The following SNX16 variants were observed in gnomAD, a reference collection of about 807,000 sequenced individuals.
The protein encoded by SNX16 is sorting nexin-16.
SNX16 carries 35 observed loss-of-function variants against 36.7 expected under a neutral mutation model. The observed-to-expected ratio is 0.95, with a 90% CI of 0.73 to 1.27. The LOEUF (loss-of-function observed/expected upper bound fraction) is 1.27. Ranked by LOEUF, SNX16 falls within the 50% of genes most tolerant of loss-of-function variation. The pLI is 0.00. For synonymous variants in SNX16, 134 were observed against 132.0 expected (o/e 1.02, Z -0.10); for missense variants, 367 against 393.6 (o/e 0.93, Z 0.57).
At chr8:81,813,643 A>G (rs1052484469) in intron 5 of SNX16, among the ~76,000 whole-genome samples, 3 of 151,964 alleles carry the variant, frequency 2.0e-5, no homozygotes, top group Admixed American at 2.0e-4. Context: ...GGATGAAAAG[A>G]CACCTACAGA....
chr8:81,838,891 C>G (rs1282841593), intron 2 of SNX16, among the ~76,000 whole-genome samples: 2 of 151,756 alleles, frequency 1.3e-5, no homozygotes, highest in Non-Finnish European at 2.9e-5. Context: ...CCAAAGTGCA[C>G]AGAAAACTAC....
chr8:81,820,225 G>A (rs1810671938), intron 4 of SNX16, among the ~76,000 whole-genome samples: 1 of 118,766 alleles, frequency 8.4e-6, no homozygotes. Context: ...TTCTCCCTTA[G>A]GAGGGATTTC....
Position 81,803,215 on chromosome 8 carries a change from G to C in SNX16, c.695C>G (p.Thr232Ser). ...SLEESRAFCE[T>S]LEETNYRLQK... is the part of the protein sequence containing the mutation. ...TAAGCGGTAGTTTGTCTCTTCTAAA[G>C]TTTCACAGAATGCCTTAAAAAAAAC... Residue 232 changes from threonine (T) to serine (S), a missense_variant, in exon 6 of 8, where the codon ACT becomes AGT. Thr to Ser is a moderately conservative substitution (Grantham distance 58). Coordinates refer to ENST00000345957, the MANE Select transcript of SNX16 (RefSeq NM_152836.3). 6.3e-7 allele frequency: 1 copy of C among 1,599,282 alleles called. No homozygotes were observed. The highest frequency in any genetic ancestry group is 1.1e-5 in the South Asian group (1 of 87,948).
intron 5 of SNX16, chr8:81,808,674 C>A: frequency 1.0e-6 from 1 of 997,040 alleles, no homozygotes; most frequent in East Asian, 2.4e-5. Context: ...ACCACGAAAC[C>A]AAGGTGGCTA....
At chr8:81,831,944 G>A (rs56845285) in intron 2 of SNX16, among the ~76,000 whole-genome samples, 37,754 of 152,050 alleles carry the variant, frequency 0.25, 5,236 homozygotes, top group East Asian at 0.37. Context: ...AGAAAAGAGA[G>A]CACTTATATA....
chr8:81,812,636 C>G (rs554928995), intron 5 of SNX16, among the ~76,000 whole-genome samples: 1 of 152,102 alleles, frequency 6.6e-6, no homozygotes, highest in East Asian at 1.9e-4. Flanking sequence ...ACAAGAAAAA[C>G]TAAACGAAGA....
chr8:81,834,370 C>T lies in SNX16; in HGVS notation c.376-4854G>A, dbSNP rs184056605. On this transcript the variant is annotated intron_variant, in intron 2 of 7. Transcript: ENST00000345957. ...GGGACACATTCAAACCATATCATTC[C>T]ACCCCTGGCCCCTCCCAAATCTCAT... Among the ~76,000 whole-genome samples, 502 of 152,214 alleles carry T rather than the reference C, an allele frequency of 3.3e-3. 2 individuals are homozygous for T. The highest frequency in any genetic ancestry group is 5.1e-3 in the Non-Finnish European group (349 of 68,008).
intron 1 of SNX16, chr8:81,840,538 C>T (rs1244211224): frequency 6.6e-6 from 1 of 152,524 alleles, no homozygotes; most frequent in Non-Finnish European, 1.5e-5. Context: ...ATTCACATTA[C>T]CTTTCAATTT....
At chr8:81,823,446 G>A (rs143666369) in intron 4 of SNX16, among the ~76,000 whole-genome samples, 1 of 151,840 alleles carries the variant, frequency 6.6e-6, no homozygotes, top group Non-Finnish European at 1.5e-5. Flanking sequence ...CAATTACATA[G>A]TATCATATTA....
chr8:81,800,826 C>G lies in SNX16; in HGVS notation c.*671G>C, dbSNP rs751962006. Reference sequence around the variant, plus strand: ...AAATGTAACATATTAATAACTGTGACACTTATTAAAGTATTTTGATATTAA... The same window carrying G: ...AAATGTAACATATTAATAACTGTGAGACTTATTAAAGTATTTTGATATTAA... On this transcript the variant is annotated 3_prime_UTR_variant, in exon 8 of 8. Transcript: ENST00000345957. 2.6e-5 allele frequency: 4 copies of G among 152,158 alleles called. No homozygotes were observed. The highest frequency in any genetic ancestry group is 6.6e-5 in the Admixed American group (1 of 15,234). The allele number at this position is 152,158 out of a possible 1,614,324, so 9.4% of individuals were successfully genotyped here.
In SNX16 at chr8:81,829,491, G is replaced by C; in HGVS notation, c.401C>G (p.Thr134Ser). The C allele has an allele frequency of 7.0e-7, 1 of 1,422,188 alleles. No individual in the cohort carries two copies. The highest frequency in any genetic ancestry group is 9.2e-7 in the Non-Finnish European group (1 of 1,083,244). 88.1% of individuals were successfully genotyped at this position (1,422,188 alleles called of 1,614,324 possible). Residue 134 changes from threonine to serine, a missense_variant, in exon 3 of 8, where the codon ACC becomes AGC. By Grantham distance (58) the Thr-to-Ser change is moderately conservative. Transcript: ENST00000345957. Reference protein sequence around the residue: ...FTVYKILVKKTPEESWVVFRR... With the variant: ...FTVYKILVKKSPEESWVVFRR... Reference sequence around the variant, plus strand: ...GAAAACTACCCAGCTTTCTTCTGGGGTTTTCTTTACTAGTATTTTATATAC... The same window carrying C: ...GAAAACTACCCAGCTTTCTTCTGGGCTTTTCTTTACTAGTATTTTATATAC...
Position 81,809,628 on chromosome 8 carries a change from G to A in SNX16, c.681+5697C>T, listed in dbSNP as rs1277325785. On this transcript the variant is annotated intron_variant, in intron 5 of 7. Coordinates refer to ENST00000345957, the MANE Select transcript of SNX16 (RefSeq NM_152836.3). ...TCAAGAAAATTAGGCTAAAATAACA[G>A]TAAGATATTATTTTATACCCATCAG... is the stretch of plus-strand genomic sequence containing the variant. Among the ~76,000 whole-genome samples, 3 of 152,120 alleles carry A rather than the reference G, an allele frequency of 2.0e-5. No individual in the cohort carries two copies. The East Asian group carries it at 5.8e-4, about 29-fold the overall frequency.
chr8:81,808,461 A>G, intron 5 of SNX16: 1 of 1,041,988 alleles, frequency 9.6e-7, no homozygotes, highest in Non-Finnish European at 1.5e-6. Flanking sequence ...CTTTGCTGAC[A>G]GCTGTGGTGG....
At chr8:81,831,553 C>G (rs972786730) in intron 2 of SNX16, among the ~76,000 whole-genome samples, 14 of 151,716 alleles carry the variant, frequency 9.2e-5, no homozygotes, top group African/African-American at 3.4e-4. Flanking sequence ...CAAAAATTAG[C>G]CAGATGTGGT....
intron 2 of SNX16, among the ~76,000 whole-genome samples, chr8:81,833,498 T>G (rs951047864): frequency 6.6e-6 from 1 of 152,080 alleles, no homozygotes; most frequent in Non-Finnish European, 1.5e-5. Context: ...TCTAAAAAAG[T>G]TGCAATGGGA....
intron 4 of SNX16, 72 bp downstream of exon 4, chr8:81,823,720 A>G: frequency 1.5e-6 from 2 of 1,345,902 alleles, no homozygotes; most frequent in Non-Finnish European, 2.0e-6. Flanking sequence ...AACTATGATC[A>G]TAGATTTATT....
At chr8:81,832,600 A>G (rs758618517) in intron 2 of SNX16, among the ~76,000 whole-genome samples, 27 of 152,030 alleles carry the variant, frequency 1.8e-4, no homozygotes, top group Non-Finnish European at 3.5e-4. Flanking sequence ...AATACCAAAA[A>G]ACCCCAACTG....
chr8:81,824,069 G>T, intron 3 of SNX16, 129 bp from the exon 4 acceptor site: 2 of 836,008 alleles, frequency 2.4e-6, no homozygotes, highest in Non-Finnish European at 3.6e-6. Flanking sequence ...ATTCAGTTAA[G>T]CTTTTTATGC....
intron 2 of SNX16, among the ~76,000 whole-genome samples, chr8:81,836,372 A>G (rs1811497600): frequency 6.6e-6 from 1 of 152,232 alleles, no homozygotes; most frequent in South Asian, 2.1e-4. Context: ...AACTCAGCTT[A>G]TATGTATACA....
Sources: allele counts gnomAD v4.1 joint callset (sites outside exome capture counted in the v4.1 genomes callset), GRCh38; gene constraint gnomAD v4.1.1; transcripts MANE v1.5; gene names NCBI Gene and HGNC (gene_info 2026-07-23, HGNC 2026-07-21).